MRPS27: variants seen among roughly 807,000 people sequenced by gnomAD.
MRPS27 encodes the protein small ribosomal subunit protein mS27.
In MRPS27, 43 loss-of-function variants were observed where a neutral mutation model predicts 48.9. The observed-to-expected ratio is 0.88, with a 90% CI of 0.69 to 1.13. The LOEUF (loss-of-function observed/expected upper bound fraction) is 1.13. Among genes scored for constraint, MRPS27 ranks in the 50% most tolerant of loss-of-function variants. The pLI is 0.00. For synonymous variants in MRPS27, 188 were observed against 171.9 expected (o/e 1.09, Z -0.73); for missense variants, 467 against 476.3 (o/e 0.98, Z 0.18).
intron 4 of MRPS27, chr5:72,241,789 C>T: frequency 1.8e-6 from 2 of 1,136,598 alleles, no homozygotes; most frequent in Admixed American, 4.1e-5. Flanking sequence ...CTCTGACCAC[C>T]AGCCTGGCAG....
At chr5:72,224,012 C>T (rs1042402731) in intron 9 of MRPS27, among the ~76,000 whole-genome samples, 162 bp from the exon 10 acceptor site, 1 of 152,024 alleles carries the variant, frequency 6.6e-6, no homozygotes, top group Non-Finnish European at 1.5e-5. Context: ...TATATTTTTT[C>T]ACATTATAAA....
rs148589532 is a variant in MRPS27 at position 72,309,423 on chromosome 5, G to A, written c.151+4658C>T. On this transcript the variant is annotated intron_variant, in intron 2 of 10. Transcript: ENST00000261413. ...TGGGATTACAGGTGTGCGCCACCAC[G>A]CCCGGCTATTTTGTAATTTTAGTAG... Among the ~76,000 whole-genome samples, 1,058 of 152,058 alleles carry A rather than the reference G, an allele frequency of 7.0e-3. 11 individuals are homozygous for A. The highest frequency in any genetic ancestry group is 0.024 in the African/African-American group (1,015 of 41,468).
chr5:72,301,603 G>C (rs952361435), intron 2 of MRPS27, among the ~76,000 whole-genome samples: 1 of 152,236 alleles, frequency 6.6e-6, no homozygotes, highest in Non-Finnish European at 1.5e-5. Context: ...TGGCTTCACT[G>C]ATCACCTCTG....
chr5:72,223,999 G>T, intron 9 of MRPS27, 149 bp from the exon 10 acceptor site: 1 of 848,438 alleles, frequency 1.2e-6, no homozygotes, highest in Non-Finnish European at 1.8e-6. Context: ...AAATATAAAT[G>T]GTTATATTTT....
At chr5:72,260,537 A>C (rs1748936846) in intron 4 of MRPS27, among the ~76,000 whole-genome samples, 1 of 152,236 alleles carries the variant, frequency 6.6e-6, no homozygotes, top group Non-Finnish European at 1.5e-5. Flanking sequence ...AAAACATGTA[A>C]CATAGAAAAG....
intron 10 of MRPS27, among the ~76,000 whole-genome samples, chr5:72,222,090 G>A (rs955739878): frequency 6.6e-6 from 1 of 152,232 alleles, no homozygotes; most frequent in Non-Finnish European, 1.5e-5. Flanking sequence ...CTAGGCTCCA[G>A]GAGGGGCCAG....
chr5:72,233,543 A>G (rs1748115938), intron 6 of MRPS27, among the ~76,000 whole-genome samples: 1 of 152,228 alleles, frequency 6.6e-6, no homozygotes, highest in East Asian at 1.9e-4. Flanking sequence ...AGCTGTTCCT[A>G]CCCAGCTGGT....
chr5:72,256,811 G>GA (rs1748821350), intron 4 of MRPS27, among the ~76,000 whole-genome samples: 1 of 152,200 alleles, frequency 6.6e-6, no homozygotes, highest in African/African-American at 2.4e-5. Context: ...TATGCTATCA[G>GA]ATCTCCAGAG....
chr5:72,241,376 C>A, intron 4 of MRPS27: 1 of 523,480 alleles, frequency 1.9e-6, no homozygotes, highest in Non-Finnish European at 3.4e-6. Context: ...AAATATGCTG[C>A]CCAAAATGCA....
chr5:72,248,448 GC>G (rs1227818831), intron 4 of MRPS27, among the ~76,000 whole-genome samples: 1 of 152,056 alleles, frequency 6.6e-6, no homozygotes, highest in African/African-American at 2.4e-5. Context: ...AAGCTTTTAG[GC>G]TGGCCCAGAA....
intron 5 of MRPS27, among the ~76,000 whole-genome samples, chr5:72,237,440 G>A (rs1010250956): frequency 5.3e-5 from 8 of 152,126 alleles, no homozygotes; most frequent in East Asian, 3.9e-4. Context: ...CATTATAGAC[G>A]TAATACCTTT....
At chr5:72,288,294 G>A (rs1362331068) in intron 4 of MRPS27, among the ~76,000 whole-genome samples, 1 of 151,148 alleles carries the variant, frequency 6.6e-6, no homozygotes, top group Admixed American at 6.6e-5. Flanking sequence ...TGCAAGCTCC[G>A]CCTCCTGGGT....
intron 4 of MRPS27, among the ~76,000 whole-genome samples, chr5:72,271,068 T>C (rs537468402): frequency 1.2e-4 from 18 of 152,290 alleles, no homozygotes; most frequent in African/African-American, 3.6e-4. Flanking sequence ...CTCTCTAAGA[T>C]TGGGAACAAA....
intron 4 of MRPS27, among the ~76,000 whole-genome samples, chr5:72,284,943 G>A (rs1178980498): frequency 6.6e-6 from 1 of 152,064 alleles, no homozygotes; most frequent in Non-Finnish European, 1.5e-5. Context: ...GACATTTTTG[G>A]CATGAATATG....
intron 4 of MRPS27, among the ~76,000 whole-genome samples, chr5:72,274,652 T>C (rs1020878016): frequency 3.3e-5 from 5 of 152,370 alleles, no homozygotes; most frequent in African/African-American, 7.2e-5. Flanking sequence ...GTATAGTTCA[T>C]TAACAATTTT....
intron 10 of MRPS27, among the ~76,000 whole-genome samples, chr5:72,221,447 C>A (rs1218002603): frequency 6.6e-6 from 1 of 152,104 alleles, no homozygotes; most frequent in African/African-American, 2.4e-5. Context: ...CATGTGATTT[C>A]TCCCCTTTCA....
chr5:72,318,125 G>C (rs569443746), intron 1 of MRPS27, among the ~76,000 whole-genome samples: 1 of 152,330 alleles, frequency 6.6e-6, no homozygotes, highest in African/African-American at 2.4e-5. Flanking sequence ...TGGGCTGAGG[G>C]TTGGACAAGC....
At chr5:72,297,611 T>C (rs748107186) in intron 3 of MRPS27, 21 bp downstream of exon 3, 9 of 1,481,204 alleles carry the variant, frequency 6.1e-6, no homozygotes, top group African/African-American at 1.4e-5. Flanking sequence ...TTGGAAAATA[T>C]ATATGTTAAA....
At chr5:72,302,639 G>A (rs1198133240) in intron 2 of MRPS27, among the ~76,000 whole-genome samples, 1 of 152,192 alleles carries the variant, frequency 6.6e-6, no homozygotes, top group Non-Finnish European at 1.5e-5. Flanking sequence ...AACTGTCAGA[G>A]GCCAAAGGCA....
Sources: gnomAD v4.1 joint callset for allele counts (sites outside exome capture counted in the v4.1 genomes callset) on GRCh38, gnomAD v4.1.1 for gene constraint, MANE v1.5 for transcripts, NCBI Gene and HGNC (gene_info 2026-07-23, HGNC 2026-07-21) for gene names.